Variants in DAPK2 observed in about 807,000 individuals in gnomAD.
DAPK2 encodes the protein death associated protein kinase 2, also known as death-associated protein kinase 2.
DAPK2 carries 35 observed loss-of-function variants against 44.1 expected under a neutral mutation model. The observed-to-expected ratio is 0.79, with a 90% confidence interval of 0.61 to 1.05. DAPK2 has a LOEUF of 1.05. Ranked by LOEUF, DAPK2 falls within the 50% of genes least tolerant of loss-of-function variation. The probability of loss-of-function intolerance (pLI) is 0.00; values close to 1 mark genes in which losing one functional copy is unlikely to be tolerated. For missense variants in DAPK2, 453 were observed against 483.2 expected (o/e 0.94, Z 0.59); for synonymous variants, 174 against 182.6 (o/e 0.95, Z 0.38).
intron 3 of DAPK2, among the ~76,000 whole-genome samples, chr15:63,961,091 C>T (rs1195712909): frequency 6.6e-6 from 1 of 152,172 alleles, no homozygotes; most frequent in Non-Finnish European, 1.5e-5. Flanking sequence ...GATCCCTTTA[C>T]CATTACGTAA....
At chr15:63,969,117 G>A (rs564188571) in intron 3 of DAPK2, among the ~76,000 whole-genome samples, 114 of 152,212 alleles carry the variant, frequency 7.5e-4, no homozygotes, top group African/African-American at 2.7e-3. Context: ...TCTGTTGGAG[G>A]TATTAAAAAA....
chr15:64,023,031 C>T (rs2079737609), intron 1 of DAPK2, among the ~76,000 whole-genome samples: 2 of 152,174 alleles, frequency 1.3e-5, no homozygotes, highest in South Asian at 4.1e-4. Context: ...AGTATACAAT[C>T]CTCACCATCT....
chr15:64,013,755 A>T lies in DAPK2; in HGVS notation c.92+26415T>A, dbSNP rs1204698664. Among the ~76,000 whole-genome samples the T allele has an allele frequency of 1.3e-5, 2 of 152,230 alleles. No individual in the cohort carries two copies. Among genetic ancestry groups the T allele is most frequent in the African/African-American group, 4.8e-5 (2 of 41,458 alleles). On this transcript the variant is annotated intron_variant, in intron 1 of 10. Transcript: ENST00000261891. This position sits in a 1 kb window ranked among gnomAD's most constrained non-coding sequence, Gnocchi z 4.7. Reference sequence around the variant, plus strand: ...GCAAGCTGGATTTGAGAAATTATTCATTCTGGAAAACTACAGTTGGCCTCA... The same window carrying T: ...GCAAGCTGGATTTGAGAAATTATTCTTTCTGGAAAACTACAGTTGGCCTCA...
At chr15:64,010,510 T>C (rs2079361918) in intron 1 of DAPK2, among the ~76,000 whole-genome samples, 1 of 152,214 alleles carries the variant, frequency 6.6e-6, no homozygotes, top group Non-Finnish European at 1.5e-5. Flanking sequence ...TTCAATGTGA[T>C]GATGATCCCT....
intron 1 of DAPK2, among the ~76,000 whole-genome samples, chr15:64,006,823 G>T (rs550896901): frequency 5.7e-4 from 87 of 152,270 alleles, no homozygotes; most frequent in Middle Eastern, 3.4e-3. Flanking sequence ...CCAGGGGAAG[G>T]CCTGGCAGCT....
At position 63,912,824 on chromosome 15, in the gene DAPK2, A is replaced by G. The variant is rs545430492; in HGVS notation, c.859-627T>C. 4.0e-4 allele frequency among the ~76,000 whole-genome samples: 61 copies of G among 152,190 alleles called. No individual in the cohort carries two copies. Among genetic ancestry groups the G allele is most frequent in the Non-Finnish European group, 7.9e-4 (54 of 68,034 alleles). On this transcript the variant is annotated intron_variant, in intron 8 of 10. Coordinates refer to ENST00000261891, the Ensembl canonical transcript of DAPK2. The surrounding 1 kb of genome is among the most constrained non-coding windows in gnomAD (Gnocchi z 4.4). Reference sequence around the variant, plus strand: ...GTTGTTAAGGATTATATGATCATGCATATATAAAGTGCTTAGCCCAGCACC... The same window carrying G: ...GTTGTTAAGGATTATATGATCATGCGTATATAAAGTGCTTAGCCCAGCACC...
chr15:63,979,622 A>C (rs1366207695), intron 2 of DAPK2, among the ~76,000 whole-genome samples: 4 of 152,176 alleles, frequency 2.6e-5, no homozygotes, highest in Admixed American at 1.3e-4. Flanking sequence ...AAGCAACAAA[A>C]GCCCATGAGG....
At chr15:63,994,833 G>A (rs1212770349) in intron 1 of DAPK2, among the ~76,000 whole-genome samples, 15 of 151,836 alleles carry the variant, frequency 9.9e-5, no homozygotes, top group Non-Finnish European at 2.1e-4. Flanking sequence ...CAGGTGATCC[G>A]CCCACCTCAG....
intron 1 of DAPK2, among the ~76,000 whole-genome samples, chr15:63,996,066 T>C (rs2078943109): frequency 6.6e-6 from 1 of 152,230 alleles, no homozygotes; most frequent in Non-Finnish European, 1.5e-5. Context: ...GTTGGGTGTA[T>C]TTCCTCCTTC....
At chr15:63,953,636 T>C (rs1044325564) in intron 3 of DAPK2, among the ~76,000 whole-genome samples, 9 of 152,238 alleles carry the variant, frequency 5.9e-5, no homozygotes, top group African/African-American at 1.9e-4. Context: ...GGTATATATC[T>C]AGCAGTGGGA....
At chr15:64,039,513 T>G (rs1197006421) in intron 1 of DAPK2, among the ~76,000 whole-genome samples, 1 of 152,218 alleles carries the variant, frequency 6.6e-6, no homozygotes, top group Non-Finnish European at 1.5e-5. Context: ...ATGACTGGTG[T>G]TTTGTAATCA....
At chr15:63,945,093 G>A (rs2077414079) in intron 3 of DAPK2, among the ~76,000 whole-genome samples, 1 of 152,104 alleles carries the variant, frequency 6.6e-6, no homozygotes, top group South Asian at 2.1e-4. Context: ...TTAAACTCCT[G>A]AGCTCAAGTG....
In DAPK2 at chr15:63,983,054, C is replaced by G. The variant is rs2078567592; in HGVS notation, c.314+479G>C. On this transcript the variant is annotated intron_variant, in intron 2 of 10. Transcript: ENST00000261891. ...ATAACAATAAAGGTGTCATTCACAGCACAAATGCAGTGGACTTTCCCCAGG... is the reference window on the plus strand; with the variant it reads ...ATAACAATAAAGGTGTCATTCACAGGACAAATGCAGTGGACTTTCCCCAGG... Among the ~76,000 whole-genome samples, 4 of 152,310 alleles carry G rather than the reference C, an allele frequency of 2.6e-5. No individual in the cohort carries two copies. The South Asian group carries it at 8.3e-4, about 32-fold the overall frequency.
chr15:63,933,423 A>C (rs2077033432), intron 4 of DAPK2, among the ~76,000 whole-genome samples: 1 of 151,720 alleles, frequency 6.6e-6, no homozygotes, highest in Non-Finnish European at 1.5e-5. Flanking sequence ...TTATATTTTT[A>C]GTAGAGACGG....
chr15:63,924,714 G>T, intron 8 of DAPK2, 102 bp downstream of exon 9: 1 of 1,340,614 alleles, frequency 7.5e-7, no homozygotes, highest in Non-Finnish European at 1.1e-6. Context: ...AGTGTTTAAA[G>T]CAAAGGCCTC....
intron 1 of DAPK2, 40 bp downstream of exon 2, chr15:64,040,130 G>T: frequency 2.0e-6 from 3 of 1,523,188 alleles, no homozygotes; most frequent in Non-Finnish European, 2.7e-6. Flanking sequence ...CATGACTTTG[G>T]CTCCCTCGGC....
Position 63,994,410 on chromosome 15 carries a change from A to AAAGGAAGG in DAPK2, c.93-10664_93-10657dup, listed in dbSNP as rs56254515. ...TTAGAAAAAGAAGAATGTTAAAAGA[A>AAAGGAAGG]AAGGAAGGAAGGAAGGAAGGAAGGA... On this transcript the variant is annotated intron_variant, in intron 1 of 10. Coordinates refer to ENST00000261891, the Ensembl canonical transcript of DAPK2. Among the ~76,000 whole-genome samples, 1,107 of 141,780 alleles carry AAAGGAAGG rather than the reference A, an allele frequency of 7.8e-3. 12 individuals are homozygous for AAAGGAAGG. The highest frequency in any genetic ancestry group is 0.021 in the East Asian group (101 of 4,764). The allele number at this position is 141,780 out of a possible 152,430, so 93.0% of individuals were successfully genotyped here. A position where few individuals can be genotyped will look rare whatever the true frequency, so the allele number is the denominator to read the frequency against.
At chr15:63,983,901 A>G in intron 1 of DAPK2, 147 bp from the exon 3 acceptor site, 1 of 745,848 alleles carries the variant, frequency 1.3e-6, no homozygotes, top group Non-Finnish European at 2.2e-6. Context: ...CCACCTGATG[A>G]CAACCTGTGG....
intron 1 of DAPK2, among the ~76,000 whole-genome samples, chr15:64,006,036 C>CAAAA (rs35338084): frequency 1.1e-5 from 1 of 92,880 alleles, no homozygotes; most frequent in Non-Finnish European, 2.2e-5. Context: ...GATCCTGACT[C>CAAAA]AAAAAAAAAA....
Sources: allele counts gnomAD v4.1 joint callset (sites outside exome capture counted in the v4.1 genomes callset), GRCh38; gene constraint gnomAD v4.1.1; non-coding constraint Gnocchi (gnomAD v3.1); transcripts MANE v1.5; gene names NCBI Gene and HGNC (gene_info 2026-07-23, HGNC 2026-07-21).